VILL: variants seen among roughly 807,000 people sequenced by gnomAD.
VILL encodes villin-like protein.
Under a neutral mutation model 106.3 loss-of-function variants are expected in VILL, and 102 were observed. The ratio of observed to expected loss-of-function variants is 0.96; its 90% CI spans 0.82 to 1.13. The LOEUF is 1.13. VILL is among the 50% of genes most tolerant of loss of function. The pLI is 0.00. For synonymous variants in VILL, 431 were observed against 440.3 expected (o/e 0.98, Z 0.27); for missense variants, 1,076 against 1,116.6 (o/e 0.96, Z 0.52).
At chr3:37,994,236 A>G (rs1335438724) in intron 3 of VILL, 25 bp from the exon 4 acceptor site, 1 of 1,588,406 alleles carries the variant, frequency 6.3e-7, no homozygotes, top group Non-Finnish European at 8.5e-7. Context: ...CCCGCAACAC[A>G]TATACACAAA....
chr3:37,998,401 C>T lies in VILL; in HGVS notation c.942+37C>T, dbSNP rs187244119. ...GGCTCTGTCTGAGAGGAACAGAGCA[C>T]TGCCCTGGGGTCTGAGTGGGGAGGC... On this transcript the variant is annotated intron_variant, in intron 9 of 19. Transcript: ENST00000383759. The surrounding 1 kb of genome is among the most constrained non-coding windows in gnomAD (Gnocchi z 4.1). 5.2e-5 allele frequency: 84 copies of T among 1,601,178 alleles called. No individual in the cohort carries two copies. The African/African-American group carries it at 7.0e-4, about 13-fold the overall frequency.
At chr3:38,003,114 C>G (rs187391580) in intron 14 of VILL, 54 bp from the exon 15 acceptor site, 3 of 1,592,994 alleles carry the variant, frequency 1.9e-6, no homozygotes, top group African/African-American at 1.3e-5. Context: ...GACGTGGGGC[C>G]GGAGGTGAAG....
chr3:37,991,448 G>A (rs765296125), intron 1 of VILL, among the ~76,000 whole-genome samples: 29 of 151,432 alleles, frequency 1.9e-4, no homozygotes, highest in Non-Finnish European at 2.8e-4. Flanking sequence ...AGGAGGAGGT[G>A]CCTGGGGAGG....
intron 15 of VILL, chr3:38,003,633 C>A: frequency 2.7e-6 from 1 of 365,580 alleles, no homozygotes; most frequent in Non-Finnish European, 5.2e-6. Flanking sequence ...GATCACGGTG[C>A]CCAGTGTGTG....
Position 37,997,713 on chromosome 3 carries a change from G to A in VILL, c.764+28G>A, listed in dbSNP as rs1409242282. 6.5e-7 allele frequency: 1 copy of A among 1,536,588 alleles called. No homozygotes were observed. The highest frequency in any genetic ancestry group is 8.9e-7 in the Non-Finnish European group (1 of 1,120,174). ...GAGTACCCCTGGGGTGGGCAGGGGT[G>A]GGTGGGACAGTCCAGGACTCTGTGT... On this transcript the variant is annotated intron_variant, in intron 7 of 19. Coordinates refer to ENST00000383759, the MANE Select transcript of VILL (RefSeq NM_015873.4). This position sits in a 1 kb window ranked among gnomAD's most constrained non-coding sequence, Gnocchi z 4.7.
rs116049661 is a variant in VILL at position 37,994,142 on chromosome 3, C to T, written c.136-119C>T. 2.7e-4 allele frequency: 383 copies of T among 1,418,552 alleles called. 2 individuals are homozygous for T. In the African/African-American group the frequency reaches 5.1e-3, roughly 19 times the overall value. 87.9% of individuals were successfully genotyped at this position (1,418,552 alleles called of 1,614,324 possible). On this transcript the variant is annotated intron_variant, in intron 3 of 19. Coordinates refer to ENST00000383759, the MANE Select transcript of VILL (RefSeq NM_015873.4). ...GCTTCTTAGTCCTTCCCTCCCACTT[C>T]CTGATCTCCGCGGAAGCCCCTGCCT... is the stretch of plus-strand genomic sequence containing the variant.
In VILL at chr3:37,998,479, T is replaced by C; in HGVS notation, c.942+115T>C. 2.1e-6 allele frequency: 2 copies of C among 940,390 alleles called. No homozygotes were observed. Among genetic ancestry groups the C allele is most frequent in the South Asian group, 3.1e-5 (2 of 64,710 alleles). 58.3% of individuals were successfully genotyped at this position (940,390 alleles called of 1,614,324 possible). ...ATCAGCCCTCCCCTAGAGTTTGAGT[T>C]GGGAAATCCTATGCTGGAGTCTTAA... is the stretch of plus-strand genomic sequence containing the variant. On this transcript the variant is annotated intron_variant, in intron 9 of 19. Coordinates refer to ENST00000383759, the MANE Select transcript of VILL (RefSeq NM_015873.4). This position sits in a 1 kb window ranked among gnomAD's most constrained non-coding sequence, Gnocchi z 4.1.
intron 16 of VILL, among the ~76,000 whole-genome samples, chr3:38,004,701 G>GTGCC (rs1182861509): frequency 6.6e-6 from 1 of 152,214 alleles, no homozygotes; most frequent in Non-Finnish European, 1.5e-5. Flanking sequence ...TCCAGCGACA[G>GTGCC]TGCCTGCGGC....
At chr3:38,003,500 C>A in intron 15 of VILL, 187 bp downstream of exon 15, 1 of 727,742 alleles carries the variant, frequency 1.4e-6, no homozygotes, top group Non-Finnish European at 2.1e-6. Flanking sequence ...GGGTAACTTG[C>A]GTCTCTCAGA....
At position 37,998,467 on chromosome 3, in the gene VILL, T is replaced by C. The variant is rs1699748727; in HGVS notation, c.942+103T>C. Reference sequence around the variant, plus strand: ...TCTAAGGGAGGAATCAGCCCTCCCCTAGAGTTTGAGTTGGGAAATCCTATG... The same window carrying C: ...TCTAAGGGAGGAATCAGCCCTCCCCCAGAGTTTGAGTTGGGAAATCCTATG... On this transcript the variant is annotated intron_variant, in intron 9 of 19. Transcript: ENST00000383759. This position sits in a 1 kb window ranked among gnomAD's most constrained non-coding sequence, Gnocchi z 4.1. The C allele has an allele frequency of 1.9e-6, 2 of 1,054,910 alleles. No individual in the cohort carries two copies. 65.3% of individuals were successfully genotyped at this position (1,054,910 alleles called of 1,614,324 possible). A position where few individuals can be genotyped will look rare whatever the true frequency, so the allele number is the denominator to read the frequency against.
chr3:37,993,311 T>G, intron 1 of VILL: 1 of 274,314 alleles, frequency 3.6e-6, no homozygotes, highest in Non-Finnish European at 7.1e-6. Context: ...GTTTCAAGAA[T>G]TTGTCAGCTG....
rs1699743350 is a variant in VILL, at chr3:37,998,259, C to T, written c.844-7C>T. On this transcript the variant is annotated splice_region_variant and splice_polypyrimidine_tract_variant and intron_variant, in intron 8 of 19. Coordinates refer to ENST00000383759, the MANE Select transcript of VILL (RefSeq NM_015873.4). This position sits in a 1 kb window ranked among gnomAD's most constrained non-coding sequence, Gnocchi z 4.1. Reference sequence around the variant, plus strand: ...CACCTACTGACCAGCCCCACCCTTGCTCCCAGGACTTCTACATCCTGGACC... The same window carrying T: ...CACCTACTGACCAGCCCCACCCTTGTTCCCAGGACTTCTACATCCTGGACC... 6.2e-7 allele frequency: 1 copy of T among 1,614,144 alleles called. No homozygotes were observed. The highest frequency in any genetic ancestry group is 8.5e-7 in the Non-Finnish European group (1 of 1,179,966).
intron 16 of VILL, among the ~76,000 whole-genome samples, chr3:38,004,900 G>GAC (rs1453644922): frequency 1.3e-5 from 2 of 152,214 alleles, no homozygotes; most frequent in African/African-American, 4.8e-5. Context: ...CTGTGAGCAA[G>GAC]ACTATGACTG....
rs369345231 is a variant in VILL, at chr3:38,004,294, T to A, written c.1845T>A (p.Phe615Leu). ...EEVPSFQPRL[F>L]ECSSHMGCLV... ...TCCCCAGCTTCCAGCCACGACTGTT[T>A]GAGTGCTCCAGCCACATGGGCTGCC... The change falls in exon 16 of 20, where the codon TTT becomes TTA. Residue 615 changes from phenylalanine (F) to leucine (L), a missense_variant. Phe to Leu is a conservative substitution (Grantham distance 22, BLOSUM62 0). Coordinates refer to ENST00000383759, the MANE Select transcript of VILL (RefSeq NM_015873.4). 4.1e-4 allele frequency: 659 copies of A among 1,613,808 alleles called. 6 individuals carry two copies. In the South Asian group the frequency reaches 5.3e-3, roughly 13 times the overall value.
intron 5 of VILL, 88 bp from the exon 6 acceptor site, chr3:37,996,989 T>TTCATG: frequency 4.2e-6 from 5 of 1,185,596 alleles, no homozygotes; most frequent in Non-Finnish European, 6.2e-6. Context: ...TGCATACAGC[T>TTCATG]TCATGCACAC....
chr3:37,994,364 A>C lies in VILL; in HGVS notation c.239A>C (p.Gln80Pro), dbSNP rs780630829. ...AEAQGAAEAF[Q>P]QRLQDELGGQ... ...GCGCAGGGCGCTGCGGAGGCCTTCC[A>C]GCAGCGCCTACAGGACGAGCTGGGG... Residue 80 changes from glutamine (Q) to proline (P), a missense_variant, in exon 4 of 20, where the codon CAG (glutamine) becomes CCG (proline). Gln to Pro is a moderately conservative substitution (Grantham distance 76). Coordinates refer to ENST00000383759, the MANE Select transcript of VILL (RefSeq NM_015873.4). 39 of 1,611,878 alleles carry C rather than the reference A, an allele frequency of 2.4e-5. No individual in the cohort carries two copies. The highest frequency in any genetic ancestry group is 1.6e-4 in the Middle Eastern group (1 of 6,076).
At chr3:38,002,974 C>A in intron 14 of VILL, 194 bp from the exon 15 acceptor site, 1 of 706,724 alleles carries the variant, frequency 1.4e-6, no homozygotes, top group Non-Finnish European at 2.3e-6. Context: ...GGTCCCAGAC[C>A]CTGCGATCCA....
intron 4 of VILL, among the ~76,000 whole-genome samples, chr3:37,995,032 T>A (rs185409266): frequency 3.9e-4 from 60 of 152,414 alleles, no homozygotes; most frequent in African/African-American, 1.2e-3. Flanking sequence ...TTTTGGCTGC[T>A]ATGAATCTGT....
intron 4 of VILL, among the ~76,000 whole-genome samples, chr3:37,995,525 G>A (rs1341297425): frequency 5.3e-5 from 8 of 152,222 alleles, no homozygotes; most frequent in East Asian, 1.9e-4. Flanking sequence ...ACATGACTAC[G>A]CATGGAAGTG....
Sources: gnomAD v4.1 joint callset for allele counts (sites outside exome capture counted in the v4.1 genomes callset) on GRCh38, gnomAD v4.1.1 for gene constraint, Gnocchi (gnomAD v3.1) non-coding constraint, MANE v1.5 for transcripts, NCBI Gene and HGNC (gene_info 2026-07-23, HGNC 2026-07-21) for gene names.